The following LRRC4C variants were observed in gnomAD, a reference collection of about 807,000 sequenced individuals.
LRRC4C encodes the protein leucine-rich repeat-containing protein 4C.
In LRRC4C, 5 loss-of-function variants were observed where a neutral mutation model predicts 33.6. The observed-to-expected ratio is 0.15, with a 90% confidence interval of 0.08 to 0.31. The LOEUF (loss-of-function observed/expected upper bound fraction) is 0.31, where lower values mean the gene tolerates loss of function less well. Ranked by LOEUF, LRRC4C falls within the 10% of genes least tolerant of loss-of-function variation. The pLI is 1.00. For synonymous variants in LRRC4C, 329 were observed against 302.0 expected (o/e 1.09, Z -0.93); for missense variants, 560 against 796.7 (o/e 0.70, Z 3.58).
At chr11:41,371,742 A>G (rs559179276) in intron 1 of LRRC4C, among the ~76,000 whole-genome samples, 8 of 152,340 alleles carry the variant, frequency 5.3e-5, no homozygotes, top group South Asian at 2.1e-4. Flanking sequence ...CTGAACTCCT[A>G]CCTACTCCAG....
chr11:40,866,397 G>A (rs1315756126), intron 2 of LRRC4C, among the ~76,000 whole-genome samples: 1 of 152,104 alleles, frequency 6.6e-6, no homozygotes, highest in Non-Finnish European at 1.5e-5. Flanking sequence ...GGCCTTCTTT[G>A]CAAAGTTTCA....
intron 2 of LRRC4C, among the ~76,000 whole-genome samples, chr11:40,801,939 C>T (rs979839275): frequency 9.2e-5 from 14 of 152,170 alleles, no homozygotes; most frequent in African/African-American, 3.4e-4. Context: ...CACTCCTTCA[C>T]ATGGAGAAAA....
At chr11:41,210,224 T>C (rs1946765569) in intron 1 of LRRC4C, among the ~76,000 whole-genome samples, 1 of 152,166 alleles carries the variant, frequency 6.6e-6, no homozygotes, top group African/African-American at 2.4e-5. Context: ...ATGGTTTGAG[T>C]GTGTCTTCAC....
intron 2 of LRRC4C, among the ~76,000 whole-genome samples, chr11:40,785,293 G>A (rs1022535301): frequency 1.3e-5 from 2 of 152,086 alleles, no homozygotes; most frequent in Admixed American, 1.3e-4. Context: ...TTTTTCTATA[G>A]TTACAGCATG....
chr11:40,210,875 T>A (rs559339144), intron 5 of LRRC4C, among the ~76,000 whole-genome samples: 22 of 152,228 alleles, frequency 1.4e-4, no homozygotes, highest in African/African-American at 5.3e-4. Flanking sequence ...CGGGTTCAAG[T>A]GATTCTCCTG....
intron 1 of LRRC4C, among the ~76,000 whole-genome samples, chr11:41,185,899 A>T (rs972282134): frequency 2.0e-4 from 31 of 152,068 alleles, no homozygotes; most frequent in Admixed American, 1.3e-4. Context: ...ATGTAAATTA[A>T]ATTAAAATGT....
chr11:40,156,505 G>A (rs1858700846), intron 5 of LRRC4C, among the ~76,000 whole-genome samples: 1 of 152,016 alleles, frequency 6.6e-6, no homozygotes, highest in Non-Finnish European at 1.5e-5. Flanking sequence ...AAAGTTTCTG[G>A]ATACAAGATT....
At chr11:41,274,385 C>T (rs1261119180) in intron 1 of LRRC4C, among the ~76,000 whole-genome samples, 1 of 152,048 alleles carries the variant, frequency 6.6e-6, no homozygotes, top group Non-Finnish European at 1.5e-5. Context: ...TACTATGGTT[C>T]AATGACAGTG....
intron 3 of LRRC4C, among the ~76,000 whole-genome samples, chr11:40,437,089 T>C (rs1000122978): frequency 3.9e-5 from 6 of 152,154 alleles, no homozygotes; most frequent in Non-Finnish European, 5.9e-5. Flanking sequence ...TTTCTGATAG[T>C]TGTTTTTGAT....
intron 1 of LRRC4C, among the ~76,000 whole-genome samples, chr11:41,255,826 A>C (rs1001484848): frequency 1.3e-5 from 2 of 152,020 alleles, no homozygotes; most frequent in Non-Finnish European, 2.9e-5. Context: ...TGTCTGGATC[A>C]AGTGGGAATG....
At chr11:40,642,812 G>A (rs1942204722) in intron 3 of LRRC4C, among the ~76,000 whole-genome samples, 1 of 152,074 alleles carries the variant, frequency 6.6e-6, no homozygotes, top group Non-Finnish European at 1.5e-5. Context: ...ACTTAGTAGA[G>A]TTATTTTTTC....
intron 1 of LRRC4C, among the ~76,000 whole-genome samples, chr11:41,029,100 A>G (rs1565315734): frequency 6.6e-6 from 1 of 151,774 alleles, no homozygotes; most frequent in Non-Finnish European, 1.5e-5. Flanking sequence ...TGGTTTGTAC[A>G]GTTGATGCAA....
At chr11:40,674,453 ATATG>A (rs1944290078) in intron 2 of LRRC4C, among the ~76,000 whole-genome samples, 1 of 152,190 alleles carries the variant, frequency 6.6e-6, no homozygotes, top group African/African-American at 2.4e-5. Flanking sequence ...TCAACAGCAA[ATATG>A]GCAAGGATAT....
intron 1 of LRRC4C, among the ~76,000 whole-genome samples, chr11:41,440,195 T>C (rs777186534): frequency 1.3e-5 from 2 of 152,138 alleles, no homozygotes; most frequent in Non-Finnish European, 2.9e-5. Context: ...TTTTTGTATA[T>C]GGTGAGAGAC....
In LRRC4C at chr11:41,294,341, T is replaced by C. The variant is rs532583371; in HGVS notation, c.-496+165090A>G. Among the ~76,000 whole-genome samples, 593 of 152,300 alleles carry C rather than the reference T, an allele frequency of 3.9e-3. 3 individuals carry two copies. Among genetic ancestry groups the C allele is most frequent in the Non-Finnish European group, 6.7e-3 (459 of 68,024 alleles). On this transcript the variant is annotated intron_variant, in intron 1 of 6. Transcript: ENST00000528697. ...AAAGGACTTCGCACAGAGTATCAGG[T>C]GAGACTTGGGGCTCTCACTTACTTA...
At chr11:40,527,483 G>A (rs1357637644) in intron 3 of LRRC4C, among the ~76,000 whole-genome samples, 1 of 152,112 alleles carries the variant, frequency 6.6e-6, no homozygotes, top group African/African-American at 2.4e-5. Context: ...AGGATATTTG[G>A]TAAATTAAAT....
At chr11:41,063,820 C>T (rs1937989963) in intron 1 of LRRC4C, among the ~76,000 whole-genome samples, 1 of 152,156 alleles carries the variant, frequency 6.6e-6, no homozygotes, top group African/African-American at 2.4e-5. Context: ...ACCAGAGTTG[C>T]ATTACAGAAG....
rs369984575 is a variant in LRRC4C, at chr11:40,114,612, C to T, written c.1681G>A (p.Ala561Thr). The T allele has an allele frequency of 4.8e-5, 77 of 1,613,994 alleles. No homozygotes were observed. The highest frequency in any genetic ancestry group is 1.6e-4 in the Middle Eastern group (1 of 6,084). The change falls in exon 7 of 7, where the codon GCC (alanine) becomes ACC (threonine). Residue 561 changes from alanine (A) to threonine (T), a missense_variant. Physicochemically the swap from Ala to Thr is moderately conservative, Grantham distance 58 (BLOSUM62 0). Around this residue, in one of 3 missense-constraint regions of LRRC4C, gnomAD observed 103 missense variants for 132.1 expected, o/e 0.78. Coordinates refer to ENST00000528697, the MANE Select transcript of LRRC4C (RefSeq NM_001258419.2). ...RKQHHRQNHH[A>T]PTRTVEIINV... ...ATAATTTCAACAGTCCTTGTTGGGGCGTGATGGTTTTGCCGATGGTGCTGC... is the reference window on the plus strand; with the variant it reads ...ATAATTTCAACAGTCCTTGTTGGGGTGTGATGGTTTTGCCGATGGTGCTGC...
chr11:40,225,619 CTTTT>C (rs34973833), intron 5 of LRRC4C, among the ~76,000 whole-genome samples: 1 of 140,828 alleles, frequency 7.1e-6, no homozygotes, highest in Non-Finnish European at 1.5e-5. Flanking sequence ...CTCTCTCTCT[CTTTT>C]TTTTTTTTTT....
Sources: gnomAD v4.1 joint callset for allele counts (sites outside exome capture counted in the v4.1 genomes callset) on GRCh38, gnomAD v4.1.1 for gene constraint, gnomAD v4.1.1 regional missense constraint, MANE v1.5 for transcripts, NCBI Gene and HGNC (gene_info 2026-07-23, HGNC 2026-07-21) for gene names.